Variants in PPP1CC observed in about 807,000 individuals in gnomAD.
The protein encoded by PPP1CC is serine/threonine-protein phosphatase PP1-gamma catalytic subunit.
In PPP1CC, 16 loss-of-function variants were observed where a neutral mutation model predicts 38.4. The ratio of observed to expected loss-of-function variants is 0.42; its 90% CI spans 0.28 to 0.63. The LOEUF (loss-of-function observed/expected upper bound fraction) is 0.63. Ranked by LOEUF, PPP1CC falls within the 30% of genes least tolerant of loss-of-function variation. PPP1CC has a pLI of 0.25. For missense variants in PPP1CC, 170 were observed against 391.3 expected (o/e 0.43, Z 4.77); for synonymous variants, 158 against 136.0 (o/e 1.16, Z -1.13).
At chr12:110,731,561 ATTT>A (rs200098308) in intron 2 of PPP1CC, among the ~76,000 whole-genome samples, 2 of 151,974 alleles carry the variant, frequency 1.3e-5, no homozygotes, top group Non-Finnish European at 2.9e-5. Flanking sequence ...TCAGCAAAAT[ATTT>A]TTTTTAAAAA....
At chr12:110,729,608 T>C (rs2069848983) in intron 3 of PPP1CC, among the ~76,000 whole-genome samples, 1 of 152,254 alleles carries the variant, frequency 6.6e-6, no homozygotes, top group Admixed American at 6.5e-5. Context: ...ATAATCTTTG[T>C]TCAGCACATT....
In PPP1CC at chr12:110,742,864, C is replaced by T. The variant is rs1010229130; in HGVS notation, c.-157G>A. The stretch of plus-strand genomic sequence containing the variant: ...CTGCCACCCCGCTCCCTACTTCCTC[C>T]TTCTCTCCCCACTGGAACCACGAGA... On this transcript the variant is annotated 5_prime_UTR_variant, in exon 1 of 7. Coordinates refer to ENST00000335007, the MANE Select transcript of PPP1CC (RefSeq NM_002710.4). The T allele has an allele frequency of 1.3e-5, 6 of 457,016 alleles. No homozygotes were observed. The highest frequency in any genetic ancestry group is 8.1e-5 in the African/African-American group (4 of 49,260). The allele number at this position is 457,016 out of a possible 1,614,324, so 28.3% of individuals were successfully genotyped here.
chr12:110,716,765 T>C (rs2069690912), downstream of PPP1CC, among the ~76,000 whole-genome samples: 2 of 152,238 alleles, frequency 1.3e-5, no homozygotes, highest in South Asian at 4.1e-4. Context: ...CTGAAATACT[T>C]ACCTGTGTTT....
At chr12:110,711,031 C>A in the PPP1CC span, among the ~76,000 whole-genome samples, 1 of 151,602 alleles carries the variant, frequency 6.6e-6, no homozygotes, top group Non-Finnish European at 1.5e-5. Flanking sequence ...CAAAAATTAG[C>A]CAGGCATGGT....
At chr12:110,741,068 G>T (rs1446971090) in intron 1 of PPP1CC, among the ~76,000 whole-genome samples, 1 of 152,102 alleles carries the variant, frequency 6.6e-6, no homozygotes, top group Non-Finnish European at 1.5e-5. Context: ...AAAAAGTATG[G>T]TTCTTATATA....
intron 3 of PPP1CC, among the ~76,000 whole-genome samples, chr12:110,728,548 T>C (rs2069835811): frequency 6.6e-6 from 1 of 152,022 alleles, no homozygotes; most frequent in African/African-American, 2.4e-5. Flanking sequence ...AACCCAGAAA[T>C]TACAGGTGGT....
intron 2 of PPP1CC, 48 bp downstream of exon 2, chr12:110,731,722 A>T: frequency 6.3e-7 from 1 of 1,576,956 alleles, no homozygotes; most frequent in Non-Finnish European, 8.7e-7. Flanking sequence ...TCCTTGACTC[A>T]GTTAATCAAT....
the PPP1CC span, among the ~76,000 whole-genome samples, chr12:110,710,496 A>C: frequency 1.3e-5 from 2 of 151,656 alleles, no homozygotes; most frequent in Non-Finnish European, 2.9e-5. Flanking sequence ...AGGCGGGTGG[A>C]TCACAAGGTC....
At chr12:110,724,065 C>G (rs895782663) in intron 4 of PPP1CC, among the ~76,000 whole-genome samples, 1 of 151,856 alleles carries the variant, frequency 6.6e-6, no homozygotes, top group Non-Finnish European at 1.5e-5. Context: ...GGTGAAGCCC[C>G]GTCTCTACTA....
chr12:110,714,594 G>T, the PPP1CC span, among the ~76,000 whole-genome samples: 1 of 151,500 alleles, frequency 6.6e-6, no homozygotes, highest in East Asian at 1.9e-4. Flanking sequence ...ATCACTTGAG[G>T]TCAGGAGTTT....
At position 110,731,817 on chromosome 12, in the gene PPP1CC, A is replaced by C. The variant is rs1351643780; in HGVS notation, c.140T>G (p.Leu47Arg). ...GLCLKSREIF[L>R]SQPILLELEA... is the part of the protein sequence containing the mutation. The stretch of plus-strand genomic sequence containing the variant: ...AAGTTCTAGTAGGATAGGCTGACTG[A>C]GAAAGATTTCACGAGACTTTAAGCA... Residue 47 changes from leucine to arginine, a missense_variant, in exon 2 of 7, where the codon CTC (leucine) becomes CGC (arginine). Transcript: ENST00000335007. 1.2e-6 allele frequency: 2 copies of C among 1,613,560 alleles called. No individual in the cohort carries two copies. The highest frequency in any genetic ancestry group is 1.3e-5 in the African/African-American group (1 of 74,930).
chr12:110,721,294 T>C (rs2069736386), intron 6 of PPP1CC, 129 bp from the exon 7 acceptor site: 4 of 667,784 alleles, frequency 6.0e-6, no homozygotes, highest in Non-Finnish European at 1.0e-5. Flanking sequence ...AAAGCCCCCC[T>C]AGCATATTAA....
At chr12:110,732,010 C>A in intron 1 of PPP1CC, 109 bp from the exon 2 acceptor site, 1 of 1,175,448 alleles carries the variant, frequency 8.5e-7, no homozygotes, top group South Asian at 1.5e-5. Flanking sequence ...TGAGTGGCTT[C>A]ATTTTCAGGA....
At chr12:110,711,742 T>C in the PPP1CC span, among the ~76,000 whole-genome samples, 14 of 151,460 alleles carry the variant, frequency 9.2e-5, 1 homozygote, top group African/African-American at 3.4e-4. Flanking sequence ...CTGACCAACA[T>C]GGAAAAAACC....
intron 1 of PPP1CC, among the ~76,000 whole-genome samples, chr12:110,733,880 G>T (rs1243980014): frequency 3.3e-5 from 5 of 152,152 alleles, no homozygotes; most frequent in African/African-American, 1.2e-4. Flanking sequence ...AACAAACATG[G>T]TCTGAAAGCT....
chr12:110,737,115 C>G (rs545529262), intron 1 of PPP1CC, among the ~76,000 whole-genome samples: 1 of 152,186 alleles, frequency 6.6e-6, no homozygotes, highest in East Asian at 1.9e-4. Flanking sequence ...TAAATACTTC[C>G]AACATTAAGC....
At chr12:110,738,208 A>G (rs1006306317) in intron 1 of PPP1CC, among the ~76,000 whole-genome samples, 6 of 152,166 alleles carry the variant, frequency 3.9e-5, no homozygotes, top group African/African-American at 1.2e-4. Context: ...TGGAGATTTC[A>G]GACAAATCAC....
At chr12:110,738,518 G>A (rs1423461642) in intron 1 of PPP1CC, among the ~76,000 whole-genome samples, 2 of 152,204 alleles carry the variant, frequency 1.3e-5, no homozygotes, top group Non-Finnish European at 2.9e-5. Flanking sequence ...ACCTAGTCAA[G>A]TGGGCTGACT....
chr12:110,740,524 T>A (rs950509149), intron 1 of PPP1CC, among the ~76,000 whole-genome samples: 1 of 152,162 alleles, frequency 6.6e-6, no homozygotes, highest in Non-Finnish European at 1.5e-5. Context: ...CAATGGATCA[T>A]CTTCAACTGT....
Sources: allele counts gnomAD v4.1 joint callset (sites outside exome capture counted in the v4.1 genomes callset), GRCh38; gene constraint gnomAD v4.1.1; transcripts MANE v1.5; gene names NCBI Gene and HGNC (gene_info 2026-07-23, HGNC 2026-07-21).